MYT1: variants seen among roughly 807,000 people sequenced by gnomAD.
MYT1 encodes myelin transcription factor 1, also known as myelin transcription factor I.
A neutral mutation model predicts 123.0 loss-of-function variants in MYT1; 23 were observed. The observed-to-expected ratio is 0.19, with a 90% CI of 0.13 to 0.26. The LOEUF (loss-of-function observed/expected upper bound fraction) is 0.26. Among genes scored for constraint, MYT1 ranks in the 10% least tolerant of loss-of-function variants. The pLI is 1.00. For missense variants in MYT1, 1,125 were observed against 1,472.5 expected (o/e 0.76, Z 3.86); for synonymous variants, 518 against 575.3 (o/e 0.90, Z 1.43).
At chr20:64,215,665 A>T (rs1983815170) in intron 10 of MYT1, among the ~76,000 whole-genome samples, 1 of 151,320 alleles carries the variant, frequency 6.6e-6, no homozygotes, top group African/African-American at 2.4e-5. Context: ...ACTCACTATA[A>T]CCTCAAACTC....
intron 3 of MYT1, among the ~76,000 whole-genome samples, chr20:64,199,477 C>T (rs533013912): frequency 1.2e-4 from 18 of 152,216 alleles, no homozygotes; most frequent in Non-Finnish European, 2.1e-4. Context: ...ACCAGTAACT[C>T]GGTCCAGTTG....
At chr20:64,180,251 C>T (rs569403847) in intron 1 of MYT1, among the ~76,000 whole-genome samples, 1 of 152,298 alleles carries the variant, frequency 6.6e-6, no homozygotes. Flanking sequence ...CCCTTTTTCA[C>T]CTAGGTCTGT....
intron 21 of MYT1, among the ~76,000 whole-genome samples, chr20:64,237,992 AC>A (rs1461912803): frequency 1.3e-5 from 2 of 152,208 alleles, no homozygotes; most frequent in African/African-American, 4.8e-5. Flanking sequence ...CAGCATAAGC[AC>A]CTGATCCAGA....
chr20:64,171,101 C>G (rs1483812128), intron 1 of MYT1, among the ~76,000 whole-genome samples: 7 of 146,424 alleles, frequency 4.8e-5, no homozygotes, highest in Non-Finnish European at 6.0e-5. Context: ...TTTTTTTTAA[C>G]AGAGATGGGG....
chr20:64,208,408 G>A lies in MYT1; in HGVS notation c.1212G>A (p.Glu404=). 1 of 1,613,466 alleles carries A rather than the reference G, an allele frequency of 6.2e-7. No homozygotes were observed. Among genetic ancestry groups the A allele is most frequent in the South Asian group, 1.1e-5 (1 of 91,052 alleles). Residue 404 remains glutamate (E), a synonymous_variant, in exon 7 of 23, where the codon GAG becomes GAA. Coordinates refer to ENST00000328439, the MANE Select transcript of MYT1 (RefSeq NM_004535.3). This position sits in a 1 kb window ranked among gnomAD's most constrained non-coding sequence, Gnocchi z 5.4. ...GCGAGCCGGGCTGCCCGCCTGCCGA[G>A]CAGAGCCAGCTGGGCCTGGGAGAGC... The part of the protein sequence containing the change: ...TVCEPGCPPA[E]QSQLGLGEPG...
In MYT1 at chr20:64,218,806, C is replaced by A. The variant is rs1404172824; in HGVS notation, c.1847-105C>A. ...TGCCTCTTTTCAAGTTGTATATCAG[C>A]CTGGTGTTGTTCCCTTTTTGCAGCC... On this transcript the variant is annotated intron_variant, in intron 11 of 22. Coordinates refer to ENST00000328439, the MANE Select transcript of MYT1 (RefSeq NM_004535.3). This position sits in a 1 kb window ranked among gnomAD's most constrained non-coding sequence, Gnocchi z 4.0. The A allele has an allele frequency of 2.0e-6, 3 of 1,488,140 alleles. No individual in the cohort carries two copies. The highest frequency in any genetic ancestry group is 1.7e-5 in the Admixed American group (1 of 59,780). The allele number at this position is 1,488,140 out of a possible 1,614,324, so 92.2% of individuals were successfully genotyped here.
intron 7 of MYT1, among the ~76,000 whole-genome samples, chr20:64,210,608 C>G (rs1983638982): frequency 6.6e-6 from 1 of 152,216 alleles, no homozygotes. Context: ...AAGGGGACAG[C>G]TCTCGTCCAA....
At chr20:64,172,590 A>C (rs1218794647) in intron 1 of MYT1, among the ~76,000 whole-genome samples, 1 of 152,068 alleles carries the variant, frequency 6.6e-6, no homozygotes, top group East Asian at 1.9e-4. Flanking sequence ...TTCTAAGAAA[A>C]ATTTCTGGGA....
chr20:64,198,608 T>C (rs1983201040), intron 2 of MYT1, among the ~76,000 whole-genome samples: 1 of 152,204 alleles, frequency 6.6e-6, no homozygotes, highest in Non-Finnish European at 1.5e-5. Flanking sequence ...CACTGTACCC[T>C]CCTTGCCAAG....
chr20:64,232,195 C>T lies in MYT1; in HGVS notation c.2707C>T (p.His903Tyr), dbSNP rs755970097. Residue 903 changes from histidine to tyrosine, a missense_variant, in exon 19 of 23, where the codon CAC becomes TAC. His to Tyr is a moderately conservative substitution (Grantham distance 83). Around this residue, in one of 4 missense-constraint regions of MYT1, gnomAD observed 243 missense variants for 323.1 expected, o/e 0.75. Coordinates refer to ENST00000328439, the MANE Select transcript of MYT1 (RefSeq NM_004535.3). This position sits in a 1 kb window ranked among gnomAD's most constrained non-coding sequence, Gnocchi z 6.9. ...CPVPGCVGLG[H>Y]ISGKYASHRS... ...AGTTCCAGGCTGTGTGGGGCTCGGT[C>T]ACATCAGCGGGAAATACGCCTCTCA... 6.2e-7 allele frequency: 1 copy of T among 1,612,194 alleles called. No individual in the cohort carries two copies. Among genetic ancestry groups the T allele is most frequent in the Non-Finnish European group, 8.5e-7 (1 of 1,179,714 alleles).
At chr20:64,214,336 C>T (rs151298509) in intron 10 of MYT1, among the ~76,000 whole-genome samples, 17 of 152,226 alleles carry the variant, frequency 1.1e-4, no homozygotes, top group African/African-American at 2.6e-4. Flanking sequence ...CATGTTCACA[C>T]GCCTGTTTGT....
At chr20:64,205,935 C>T in intron 6 of MYT1, 135 bp downstream of exon 6, 1 of 1,394,516 alleles carries the variant, frequency 7.2e-7, no homozygotes, top group Non-Finnish European at 9.6e-7. Context: ...CTTGTCCCAA[C>T]ATGTGCTGGG....
chr20:64,210,318 G>C (rs1218814873), intron 7 of MYT1, among the ~76,000 whole-genome samples: 1 of 152,240 alleles, frequency 6.6e-6, no homozygotes, highest in Non-Finnish European at 1.5e-5. Context: ...CAACGTGAAC[G>C]TGCGGTTCTG....
In MYT1 at chr20:64,191,066, C is replaced by T. The variant is rs957868726; in HGVS notation, c.-1+906C>T. 6.6e-6 allele frequency among the ~76,000 whole-genome samples: 1 copy of T among 152,194 alleles called. No homozygotes were observed. Among genetic ancestry groups the T allele is most frequent in the African/African-American group, 2.4e-5 (1 of 41,462 alleles). On this transcript the variant is annotated intron_variant, in intron 2 of 22. Transcript: ENST00000328439. This position sits in a 1 kb window ranked among gnomAD's most constrained non-coding sequence, Gnocchi z 4.1. ...GCTTTGAGGTGTGACCACGTCTGGG[C>T]TCTGTGATAGGCCTGAGCAACTGTT... is the stretch of plus-strand genomic sequence containing the variant.
chr20:64,240,045 C>T (rs1458589373), intron 22 of MYT1, 142 bp downstream of exon 22: 2 of 1,301,654 alleles, frequency 1.5e-6, no homozygotes, highest in South Asian at 1.4e-5. Context: ...TCTCTCCACC[C>T]CGAATGGCCC....
chr20:64,203,626 G>A lies in MYT1; in HGVS notation c.87-1409G>A, dbSNP rs1983389998. Reference sequence around the variant, plus strand: ...ACTGAAAACCCCACCCTGGAAGGCTGCAGAGAACATCCCCCTCCCCCACCC... The same window carrying A: ...ACTGAAAACCCCACCCTGGAAGGCTACAGAGAACATCCCCCTCCCCCACCC... On this transcript the variant is annotated intron_variant, in intron 4 of 22. Transcript: ENST00000328439. This position sits in a 1 kb window ranked among gnomAD's most constrained non-coding sequence, Gnocchi z 5.1. Among the ~76,000 whole-genome samples the A allele has an allele frequency of 1.3e-5, 2 of 152,028 alleles. No homozygotes were observed. The highest frequency in any genetic ancestry group is 2.4e-5 in the African/African-American group (1 of 41,390).
intron 1 of MYT1, among the ~76,000 whole-genome samples, chr20:64,183,226 C>T (rs1982701918): frequency 1.3e-5 from 2 of 152,218 alleles, no homozygotes; most frequent in South Asian, 4.1e-4. Context: ...CAACTTCATT[C>T]CTTTTTATTG....
intron 7 of MYT1, among the ~76,000 whole-genome samples, chr20:64,210,964 G>A (rs1234617055): frequency 1.3e-5 from 2 of 152,232 alleles, no homozygotes; most frequent in East Asian, 1.9e-4. Flanking sequence ...TCCTTAAAAC[G>A]CTGCACAAAC....
intron 1 of MYT1, among the ~76,000 whole-genome samples, chr20:64,169,172 G>T (rs560127915): frequency 6.6e-6 from 1 of 152,152 alleles, no homozygotes; most frequent in Non-Finnish European, 1.5e-5. Context: ...GACCTGTCCT[G>T]CCTGAGTGGG....
Sources: allele counts gnomAD v4.1 joint callset (sites outside exome capture counted in the v4.1 genomes callset), GRCh38; gene constraint gnomAD v4.1.1; regional missense constraint gnomAD v4.1.1; non-coding constraint Gnocchi (gnomAD v3.1); transcripts MANE v1.5; gene names NCBI Gene and HGNC (gene_info 2026-07-23, HGNC 2026-07-21).